Variants in ANKFN1 observed in about 807,000 individuals in gnomAD.
The protein encoded by ANKFN1 is ankyrin repeat and fibronectin type-III domain-containing protein 1.
In ANKFN1, 74 loss-of-function variants were observed where a neutral mutation model predicts 108.7. The ratio of observed to expected loss-of-function variants is 0.68; its 90% CI spans 0.56 to 0.83. The LOEUF is 0.83. Ranked by LOEUF, ANKFN1 falls within the 40% of genes least tolerant of loss-of-function variation. ANKFN1 has a pLI of 0.00. For missense variants in ANKFN1, 1,505 were observed against 1,382.3 expected, an observed-to-expected ratio of 1.09 and a Z score of -1.41; for synonymous variants, 547 against 516.2, an observed-to-expected ratio of 1.06 and a Z score of -0.81.
chr17:56,326,393 A>G (rs1434002518), intron 4 of ANKFN1, 38 bp downstream of exon 4: 3 of 1,587,992 alleles, frequency 1.9e-6, no homozygotes, highest in Non-Finnish European at 1.7e-6. Flanking sequence ...TCATGTGAAT[A>G]TGGAGCTTTC....
intron 15 of ANKFN1, chr17:56,471,604 C>G (rs1034938316): frequency 6.6e-6 from 1 of 152,162 alleles, no homozygotes; most frequent in African/African-American, 2.4e-5. Context: ...TTCATAGAAG[C>G]ATTATTCACA....
intron 14 of ANKFN1, among the ~76,000 whole-genome samples, chr17:56,466,153 T>C (rs1362128587): frequency 6.6e-6 from 1 of 152,190 alleles, no homozygotes; most frequent in Non-Finnish European, 1.5e-5. Context: ...TCTGCAATCT[T>C]TACAAATGCC....
intron 4 of ANKFN1, among the ~76,000 whole-genome samples, chr17:56,120,786 C>G (rs988281396): frequency 6.6e-6 from 1 of 152,088 alleles, no homozygotes; most frequent in African/African-American, 2.4e-5. Flanking sequence ...ATTATCAGCT[C>G]CATTTCTTAA....
chr17:56,466,309 TG>T (rs2050070738), intron 14 of ANKFN1, 46 bp from the exon 15 acceptor site: 1 of 1,516,958 alleles, frequency 6.6e-7, no homozygotes, highest in African/African-American at 1.4e-5. Flanking sequence ...TGTGTTGCTT[TG>T]TTAGCATAAT....
chr17:56,470,919 C>A (rs535373299), intron 15 of ANKFN1, among the ~76,000 whole-genome samples: 1 of 152,188 alleles, frequency 6.6e-6, no homozygotes, highest in Non-Finnish European at 1.5e-5. Context: ...AGAAAGGCCC[C>A]TCTCAGGTGC....
At chr17:56,389,963 G>T (rs1035421464) in intron 8 of ANKFN1, among the ~76,000 whole-genome samples, 3 of 151,932 alleles carry the variant, frequency 2.0e-5, no homozygotes, top group Non-Finnish European at 4.4e-5. Context: ...CCACTCACTT[G>T]CCCACTGATT....
chr17:56,397,073 T>C (rs2047609822), intron 8 of ANKFN1, among the ~76,000 whole-genome samples: 1 of 151,776 alleles, frequency 6.6e-6, no homozygotes, highest in Admixed American at 6.6e-5. Context: ...AGAAAAATTA[T>C]ATATAGTTTT....
chr17:56,245,411 GCCA>G (rs1917890807), intron 3 of ANKFN1, among the ~76,000 whole-genome samples: 2 of 152,090 alleles, frequency 1.3e-5, no homozygotes, highest in Non-Finnish European at 1.5e-5. Context: ...GATCCTTCCT[GCCA>G]CACTTCTGCT....
intron 6 of ANKFN1, 138 bp downstream of exon 6, chr17:56,354,184 G>A (rs1246219975): frequency 8.9e-6 from 7 of 790,648 alleles, no homozygotes; most frequent in Non-Finnish European, 1.4e-5. Flanking sequence ...TGTTTTCATG[G>A]GCTTTCATGC....
intron 8 of ANKFN1, among the ~76,000 whole-genome samples, chr17:56,420,976 G>A (rs1464166586): frequency 1.3e-5 from 2 of 152,070 alleles, no homozygotes. Flanking sequence ...CCAAAGTCCT[G>A]GGATTACAGG....
chr17:56,315,137 T>C (rs2045163089), intron 3 of ANKFN1, among the ~76,000 whole-genome samples: 3 of 152,204 alleles, frequency 2.0e-5, no homozygotes, highest in African/African-American at 4.8e-5. Context: ...ATATGCCACA[T>C]TGCAGTAAGT....
chr17:56,110,453 TTGTGGG>T (rs1905898375), intron 4 of ANKFN1, among the ~76,000 whole-genome samples: 1 of 152,240 alleles, frequency 6.6e-6, no homozygotes, highest in African/African-American at 2.4e-5. Context: ...ATATATTTGC[TTGTGGG>T]ACTAGTCGAT....
chr17:56,489,215 T>C (rs958793720), intron 18 of ANKFN1, among the ~76,000 whole-genome samples: 10 of 152,146 alleles, frequency 6.6e-5, no homozygotes, highest in African/African-American at 2.4e-4. Context: ...AAAAATACCA[T>C]AGAAAATTAG....
intron 15 of ANKFN1, among the ~76,000 whole-genome samples, chr17:56,468,989 G>A (rs2050223624): frequency 6.6e-6 from 1 of 152,120 alleles, no homozygotes; most frequent in Non-Finnish European, 1.5e-5. Flanking sequence ...ACTAGGGTCT[G>A]GGCTACCTTT....
chr17:56,217,175 CA>C (rs1385179268), intron 2 of ANKFN1, among the ~76,000 whole-genome samples: 1 of 152,106 alleles, frequency 6.6e-6, no homozygotes, highest in Non-Finnish European at 1.5e-5. Flanking sequence ...TCCTTCCAGC[CA>C]GCAAAAATTT....
chr17:56,350,261 C>T (rs2046211224), intron 4 of ANKFN1, among the ~76,000 whole-genome samples: 1 of 152,120 alleles, frequency 6.6e-6, no homozygotes, highest in South Asian at 2.1e-4. Flanking sequence ...TTAACTGCTA[C>T]CTCAAGAGAT....
intron 19 of ANKFN1, among the ~76,000 whole-genome samples, chr17:56,497,302 C>T (rs1196664288): frequency 6.6e-6 from 1 of 152,142 alleles, no homozygotes; most frequent in Non-Finnish European, 1.5e-5. Context: ...GCTGAACTTC[C>T]TGCCCAACTG....
In ANKFN1 at chr17:56,201,048, C is replaced by T. The variant is rs1270086002; in HGVS notation, c.-70-11550C>T. 5.3e-5 allele frequency among the ~76,000 whole-genome samples: 8 copies of T among 152,342 alleles called. No homozygotes were observed. The East Asian group carries it at 1.5e-3, about 29-fold the overall frequency. ...AATGGTGGAGCCCTCACAGTCCAAT[C>T]TCTTTGCCTCCTCAAGAGTGACCCT... On this transcript the variant is annotated intron_variant, in intron 1 of 20. Coordinates refer to ENST00000682825, the MANE Select transcript of ANKFN1 (RefSeq NM_001370326.1).
intron 19 of ANKFN1, among the ~76,000 whole-genome samples, chr17:56,494,386 G>A (rs191194635): frequency 2.6e-5 from 4 of 152,202 alleles, no homozygotes; most frequent in Admixed American, 2.6e-4. Flanking sequence ...TGTAGCATGA[G>A]GAGAATACGA....
Sources: allele counts gnomAD v4.1 joint callset (sites outside exome capture counted in the v4.1 genomes callset), GRCh38; gene constraint gnomAD v4.1.1; transcripts MANE v1.5; gene names NCBI Gene and HGNC (gene_info 2026-07-23, HGNC 2026-07-21).